The following PAK1 variants were observed in gnomAD, a reference collection of about 807,000 sequenced individuals.
PAK1 encodes the protein serine/threonine-protein kinase PAK 1.
PAK1 carries 29 observed loss-of-function variants against 67.4 expected under a neutral mutation model. The observed-to-expected ratio is 0.43, with a 90% confidence interval of 0.32 to 0.59. PAK1 has a LOEUF of 0.59. Ranked by LOEUF, PAK1 falls within the 20% of genes least tolerant of loss-of-function variation. The probability of loss-of-function intolerance (pLI) is 0.07; values close to 1 mark genes in which losing one functional copy is unlikely to be tolerated. For synonymous variants in PAK1, 223 were observed against 237.4 expected, an observed-to-expected ratio of 0.94 and a Z score of 0.56; for missense variants, 337 against 670.7, an observed-to-expected ratio of 0.50 and a Z score of 5.50.
chr11:77,522,872 AT>A, the PAK1 span, among the ~76,000 whole-genome samples: 4 of 152,238 alleles, frequency 2.6e-5, no homozygotes, highest in Non-Finnish European at 5.9e-5. Context: ...CATATACACT[AT>A]GGAATATGAC....
chr11:77,322,021 AT>A lies in PAK1; in HGVS notation c.*1252del, dbSNP rs1401258490. 1 of 201,874 alleles carries A rather than the reference AT, an allele frequency of 5.0e-6. No homozygotes were observed. The highest frequency in any genetic ancestry group is 6.0e-5 in the Admixed American group (1 of 16,662). The allele number at this position is 201,874 out of a possible 1,614,324, so 12.5% of individuals were successfully genotyped here. On this transcript the variant is annotated 3_prime_UTR_variant, in exon 15 of 15. Coordinates refer to ENST00000356341, the MANE Select transcript of PAK1 (RefSeq NM_002576.5). Reference sequence around the variant, plus strand: ...AAAGAAAGGCATACTCCAATAGAATATTTTCATCTCCTTTTATTGACAGAAA... The same window carrying A: ...AAAGAAAGGCATACTCCAATAGAATATTTCATCTCCTTTTATTGACAGAAA...
chr11:77,442,043 C>G (rs1257009992), intron 1 of PAK1, among the ~76,000 whole-genome samples: 1 of 152,202 alleles, frequency 6.6e-6, no homozygotes, highest in Non-Finnish European at 1.5e-5. Context: ...TCCCTTCACC[C>G]TCAGAAACTA....
chr11:77,524,582 G>A, the PAK1 span, among the ~76,000 whole-genome samples: 1 of 152,186 alleles, frequency 6.6e-6, no homozygotes, highest in East Asian at 1.9e-4. Flanking sequence ...GTGTAGGGGA[G>A]GGTTGGAGGA....
the PAK1 span, among the ~76,000 whole-genome samples, chr11:77,507,343 G>A: frequency 9.2e-5 from 14 of 152,134 alleles, no homozygotes; most frequent in South Asian, 4.1e-4. Context: ...TCTGGTCTAC[G>A]TCTCTAACCA....
At chr11:77,398,705 G>C (rs1565666606) in intron 1 of PAK1, among the ~76,000 whole-genome samples, 1 of 152,074 alleles carries the variant, frequency 6.6e-6, no homozygotes, top group Non-Finnish European at 1.5e-5. Context: ...CCCAGCTGTG[G>C]GATTGCTGGA....
At chr11:77,498,207 T>C in the PAK1 span, among the ~76,000 whole-genome samples, 1 of 152,342 alleles carries the variant, frequency 6.6e-6, no homozygotes. Flanking sequence ...ACCATGGTTA[T>C]GTAATATGTT....
chr11:77,361,319 C>T (rs1347452835), intron 5 of PAK1, among the ~76,000 whole-genome samples: 1 of 152,106 alleles, frequency 6.6e-6, no homozygotes, highest in African/African-American at 2.4e-5. Flanking sequence ...ATATTCCTAG[C>T]AGATGGAAGA....
chr11:77,516,432 A>G, the PAK1 span, among the ~76,000 whole-genome samples: 1 of 152,172 alleles, frequency 6.6e-6, no homozygotes, highest in Non-Finnish European at 1.5e-5. Context: ...AACACAACCT[A>G]TCTCAAAGGG....
chr11:77,389,769 T>C (rs948538795), intron 2 of PAK1, among the ~76,000 whole-genome samples: 2 of 152,264 alleles, frequency 1.3e-5, no homozygotes, highest in African/African-American at 4.8e-5. Context: ...CATTATAAAA[T>C]ATGTAATTTG....
chr11:77,488,183 C>T, the PAK1 span, among the ~76,000 whole-genome samples: 1 of 152,258 alleles, frequency 6.6e-6, no homozygotes, highest in Admixed American at 6.5e-5. Flanking sequence ...CAAGGCACTA[C>T]CTCTATGAGT....
rs373777898 is a variant in PAK1, at chr11:77,363,416, A to C, written c.478-4399T>G. On this transcript the variant is annotated intron_variant, in intron 5 of 14. Coordinates refer to ENST00000356341, the MANE Select transcript of PAK1 (RefSeq NM_002576.5). ...TAGGGAGACCAAGGATTGATACCTG[A>C]CTAAACATAAAATCCTTTCCCCACT... 1.4e-4 allele frequency among the ~76,000 whole-genome samples: 22 copies of C among 152,332 alleles called. 1 individual carries two copies. In the East Asian group the frequency reaches 3.9e-3, roughly 27 times the overall value.
chr11:77,396,173 G>C (rs1004242416), intron 1 of PAK1, among the ~76,000 whole-genome samples: 3 of 152,214 alleles, frequency 2.0e-5, no homozygotes, highest in African/African-American at 7.2e-5. Context: ...TTCTGTGATA[G>C]ATCTTCACTT....
chr11:77,484,401 G>A, the PAK1 span, among the ~76,000 whole-genome samples: 61 of 152,228 alleles, frequency 4.0e-4, no homozygotes, highest in Non-Finnish European at 7.1e-4. Context: ...ATACCCCCTC[G>A]GGTGGATGTG....
chr11:77,481,027 T>C, the PAK1 span, among the ~76,000 whole-genome samples: 1 of 152,212 alleles, frequency 6.6e-6, no homozygotes, highest in Non-Finnish European at 1.5e-5. Context: ...TAACATCTTT[T>C]TAAACTTTCT....
At chr11:77,472,772 C>T (rs1318813763) in intron 1 of PAK1, among the ~76,000 whole-genome samples, 1 of 152,118 alleles carries the variant, frequency 6.6e-6, no homozygotes, top group African/African-American at 2.4e-5. Context: ...CGGAACTAAC[C>T]CTTCCCTTCA....
chr11:77,405,711 A>ACACACC (rs1953442883), intron 1 of PAK1, among the ~76,000 whole-genome samples: 1 of 145,480 alleles, frequency 6.9e-6, no homozygotes, highest in Admixed American at 6.8e-5. Flanking sequence ...ACACACACAC[A>ACACACC]CACCCTTCCC....
intron 1 of PAK1, among the ~76,000 whole-genome samples, chr11:77,396,667 A>C (rs1409662591): frequency 6.6e-6 from 1 of 152,258 alleles, no homozygotes; most frequent in African/African-American, 2.4e-5. Flanking sequence ...TAGATACCTG[A>C]AATACTCTTT....
the PAK1 span, among the ~76,000 whole-genome samples, chr11:77,493,388 C>T: frequency 1.3e-5 from 2 of 148,762 alleles, no homozygotes; most frequent in African/African-American, 5.0e-5. Flanking sequence ...AAGCGATTCT[C>T]GTACCTCAGC....
At chr11:77,411,306 A>T (rs1326819839) in intron 1 of PAK1, among the ~76,000 whole-genome samples, 2 of 152,036 alleles carry the variant, frequency 1.3e-5, no homozygotes, top group Non-Finnish European at 2.9e-5. Flanking sequence ...CAAGTCCTTC[A>T]CTGCACAGAT....
Sources: gnomAD v4.1 joint callset for allele counts (sites outside exome capture counted in the v4.1 genomes callset) on GRCh38, gnomAD v4.1.1 for gene constraint, MANE v1.5 for transcripts, NCBI Gene and HGNC (gene_info 2026-07-23, HGNC 2026-07-21) for gene names.